The following EPHB3 variants were observed in gnomAD, a reference collection of about 807,000 sequenced individuals.
EPHB3 encodes the protein EPH receptor B3.
Under a neutral mutation model 100.2 loss-of-function variants are expected in EPHB3, and 33 were observed. The observed-to-expected ratio is 0.33, with a 90% CI of 0.25 to 0.44. EPHB3 has a LOEUF of 0.44. Ranked by LOEUF, EPHB3 falls within the 20% of genes least tolerant of loss-of-function variation. The pLI is 1.00. For synonymous variants in EPHB3, 526 were observed against 554.7 expected (o/e 0.95, Z 0.73); for missense variants, 1,045 against 1,378.3 (o/e 0.76, Z 3.83).
In EPHB3 at chr3:184,567,563, A is replaced by G. The variant is rs562884358; in HGVS notation, c.119-3755A>G. On this transcript the variant is annotated intron_variant, in intron 1 of 15. Transcript: ENST00000330394. ...TCTGAGGCTTTACACAAATCTAGGT[A>G]TTGATACTTACACCATGTCAGGGTG... Among the ~76,000 whole-genome samples the G allele has an allele frequency of 8.5e-5, 13 of 152,152 alleles. No individual in the cohort carries two copies. In the South Asian group the frequency reaches 2.5e-3, roughly 29 times the overall value.
rs1714276656 is a variant in EPHB3, at chr3:184,562,319, G to C, written c.84G>C (p.Leu28=). 1.6e-6 allele frequency: 2 copies of C among 1,250,034 alleles called. No individual in the cohort carries two copies. The highest frequency in any genetic ancestry group is 6.8e-5 in the East Asian group (2 of 29,572). The allele number at this position is 1,250,034 out of a possible 1,614,324, so 77.4% of individuals were successfully genotyped here. A position where few individuals can be genotyped will look rare whatever the true frequency, so the allele number is the denominator to read the frequency against. The change falls in exon 1 of 16, where the codon CTG becomes CTC. Residue 28 remains leucine, a synonymous_variant. Coordinates refer to ENST00000330394, the MANE Select transcript of EPHB3 (RefSeq NM_004443.4). This position sits in a 1 kb window ranked among gnomAD's most constrained non-coding sequence, Gnocchi z 4.8. ...TCCCTCCGCTGCTGCTGCTGCCGCT[G>C]CTGCTGCTGCCCGCCGGCTGCCGGG... ...PLLPPLLLLP[L]LLLPAGCRAL...
At chr3:184,564,560 T>C (rs1045911532) in intron 1 of EPHB3, among the ~76,000 whole-genome samples, 7 of 152,344 alleles carry the variant, frequency 4.6e-5, no homozygotes, top group Non-Finnish European at 8.8e-5. Context: ...TTATTATTGT[T>C]ACCCTAGGGT....
rs1714835185 is a variant in EPHB3 at position 184,581,989 on chromosome 3, G to C, written c.*367G>C. Reference sequence around the variant, plus strand: ...CGGGGTTCCACAGGGCCCAGCCCTGGCAGGGGTCTGGCCCCCCAGGTAGGC... The same window carrying C: ...CGGGGTTCCACAGGGCCCAGCCCTGCCAGGGGTCTGGCCCCCCAGGTAGGC... On this transcript the variant is annotated 3_prime_UTR_variant, in exon 16 of 16. Transcript: ENST00000330394. 2.6e-5 allele frequency: 5 copies of C among 190,436 alleles called. No individual in the cohort carries two copies. The South Asian group carries it at 7.4e-4, about 28-fold the overall frequency. The allele number at this position is 190,436 out of a possible 1,614,324, so 11.8% of individuals were successfully genotyped here.
At chr3:184,576,201 G>A (rs1315628108) in intron 4 of EPHB3, among the ~76,000 whole-genome samples, 1 of 150,918 alleles carries the variant, frequency 6.6e-6, no homozygotes, top group East Asian at 2.1e-4. Context: ...ACCAACGCTT[G>A]CTAAGCACCT....
chr3:184,568,988 C>T (rs2108435366), intron 1 of EPHB3, among the ~76,000 whole-genome samples: 1 of 152,250 alleles, frequency 6.6e-6, no homozygotes, highest in Admixed American at 6.5e-5. Flanking sequence ...CCGCCGTCCC[C>T]TCCCTCCGCT....
At chr3:184,568,901 C>T (rs1475387790) in intron 1 of EPHB3, among the ~76,000 whole-genome samples, 1 of 149,958 alleles carries the variant, frequency 6.7e-6, no homozygotes, top group Non-Finnish European at 1.5e-5. Context: ...CTCCCTCTCT[C>T]GCTCCCCAGA....
chr3:184,577,259 C>T lies in EPHB3; in HGVS notation c.1354+76C>T. On this transcript the variant is annotated intron_variant, in intron 5 of 15. Coordinates refer to ENST00000330394, the MANE Select transcript of EPHB3 (RefSeq NM_004443.4). The surrounding 1 kb of genome is among the most constrained non-coding windows in gnomAD (Gnocchi z 4.9). ...AGGTGTCCCAGGACCTGCTAAGGGA[C>T]CACTGGGGGTCCCATGGGAAGTGGG... 7 of 1,582,632 alleles carry T rather than the reference C, an allele frequency of 4.4e-6. No individual in the cohort carries two copies. The highest frequency in any genetic ancestry group is 6.0e-6 in the Non-Finnish European group (7 of 1,163,382).
Position 184,577,151 on chromosome 3 carries a change from A to T in EPHB3, c.1322A>T (p.Tyr441Phe), listed in dbSNP as rs1714697267. ...VSGKSPLPPR[Y>F]AAVNITTNQA... is the part of the protein sequence containing the mutation. ...GGCAAGAGCCCTCTGCCGCCTCGTTATGCGGCCGTGAATATCACCACAAAC... is the reference window on the plus strand; with the variant it reads ...GGCAAGAGCCCTCTGCCGCCTCGTTTTGCGGCCGTGAATATCACCACAAAC... Residue 441 changes from tyrosine (Y) to phenylalanine (F), a missense_variant, in exon 5 of 16, where the codon TAT (tyrosine) becomes TTT (phenylalanine). Around this residue, in one of 2 missense-constraint regions of EPHB3, gnomAD observed 985 missense variants for 1,331.1 expected, o/e 0.74. Coordinates refer to ENST00000330394, the MANE Select transcript of EPHB3 (RefSeq NM_004443.4). This position sits in a 1 kb window ranked among gnomAD's most constrained non-coding sequence, Gnocchi z 4.9. 29 of 1,607,630 alleles carry T rather than the reference A, an allele frequency of 1.8e-5. No homozygotes were observed. The highest frequency in any genetic ancestry group is 2.5e-5 in the Non-Finnish European group (29 of 1,175,896).
At chr3:184,570,879 G>A (rs1278989811) in intron 1 of EPHB3, among the ~76,000 whole-genome samples, 1 of 152,192 alleles carries the variant, frequency 6.6e-6, no homozygotes, top group Non-Finnish European at 1.5e-5. Flanking sequence ...TGTAGGCTAG[G>A]GAAACTGGGG....
At position 184,572,644 on chromosome 3, in the gene EPHB3, G is replaced by A. The variant is rs765456448; in HGVS notation, c.324G>A (p.Glu108=). 6.4e-7 allele frequency: 1 copy of A among 1,568,798 alleles called. No individual in the cohort carries two copies. The highest frequency in any genetic ancestry group is 8.6e-7 in the Non-Finnish European group (1 of 1,159,686). Residue 108 remains glutamate (E), a synonymous_variant, in exon 3 of 16, where the codon GAG becomes GAA. Transcript: ENST00000330394. The surrounding 1 kb of genome is among the most constrained non-coding windows in gnomAD (Gnocchi z 6.6). The part of the protein sequence containing the change: ...WRRDVQRVYV[E]LKFTVRDCNS... ...GGGATGTGCAGCGGGTCTACGTGGA[G>A]CTCAAGTTCACTGTGCGTGACTGCA...
At position 184,562,329 on chromosome 3, in the gene EPHB3, C is replaced by T; in HGVS notation, c.94C>T (p.Pro32Ser). 4 of 1,244,924 alleles carry T rather than the reference C, an allele frequency of 3.2e-6. No homozygotes were observed. The highest frequency in any genetic ancestry group is 4.1e-5 in the Admixed American group (1 of 24,624). 77.1% of individuals were successfully genotyped at this position (1,244,924 alleles called of 1,614,324 possible). The change falls in exon 1 of 16, where the codon CCC becomes TCC. Residue 32 changes from proline (P) to serine (S), a missense_variant. By Grantham distance (74) the Pro-to-Ser change is moderately conservative. Around this residue, in one of 2 missense-constraint regions of EPHB3, gnomAD observed 60 missense variants for 47.2 expected, o/e 1.27. Coordinates refer to ENST00000330394, the MANE Select transcript of EPHB3 (RefSeq NM_004443.4). The surrounding 1 kb of genome is among the most constrained non-coding windows in gnomAD (Gnocchi z 4.8). Reference protein sequence around the residue: ...PLLLLPLLLLPAGCRALEETL... With the variant: ...PLLLLPLLLLSAGCRALEETL... ...GCTGCTGCTGCCGCTGCTGCTGCTG[C>T]CCGCCGGCTGCCGGGCGCTGGAAGG... is the stretch of plus-strand genomic sequence containing the variant.
chr3:184,577,054 C>G lies in EPHB3; in HGVS notation c.1225C>G (p.Arg409Gly), dbSNP rs773741899. Residue 409 changes from arginine to glycine, a missense_variant, in exon 5 of 16, where the codon CGG becomes GGG. Physicochemically the swap from Arg to Gly is moderately radical, Grantham distance 125. Around this residue, in one of 2 missense-constraint regions of EPHB3, gnomAD observed 985 missense variants for 1,331.1 expected, o/e 0.74. Transcript: ENST00000330394. The surrounding 1 kb of genome is among the most constrained non-coding windows in gnomAD (Gnocchi z 4.9). ...VPRQLGLTER[R>G]VHISHLLAHT... ...TCGGCAGCTGGGCCTGACGGAGCGC[C>G]GGGTCCACATCAGCCATCTGCTGGC... 3.7e-6 allele frequency: 6 copies of G among 1,613,762 alleles called. No homozygotes were observed. The highest frequency in any genetic ancestry group is 5.1e-6 in the Non-Finnish European group (6 of 1,179,968).
intron 1 of EPHB3, among the ~76,000 whole-genome samples, chr3:184,570,795 G>A (rs973833016): frequency 3.3e-5 from 5 of 152,148 alleles, no homozygotes; most frequent in African/African-American, 9.7e-5. Flanking sequence ...CTGGGGTCAG[G>A]GCACTCACCC....
rs976911176 is a variant in EPHB3 at position 184,561,949 on chromosome 3, A to G, written c.-287A>G. The G allele has an allele frequency of 1.1e-4, 18 of 157,012 alleles. No homozygotes were observed. Among genetic ancestry groups the G allele is most frequent in the Non-Finnish European group, 2.1e-4 (15 of 71,776 alleles). The allele number at this position is 157,012 out of a possible 1,614,324, so 9.7% of individuals were successfully genotyped here. A position where few individuals can be genotyped will look rare whatever the true frequency, so the allele number is the denominator to read the frequency against. ...CCCTCCTGCCCCGGCCCGCCCCCCA[A>G]GTCCTCAGGCACCCAGCTCCCCGGC... On this transcript the variant is annotated 5_prime_UTR_variant, in exon 1 of 16. Transcript: ENST00000330394.
At chr3:184,574,240 A>G (rs76646276) in intron 3 of EPHB3, among the ~76,000 whole-genome samples, 6,036 of 152,258 alleles carry the variant, frequency 0.04, 160 homozygotes, top group African/African-American at 0.075. Context: ...CTTATTGTAT[A>G]CATGAGGAGT....
At position 184,578,089 on chromosome 3, in the gene EPHB3, C is replaced by A; in HGVS notation, c.1748+83C>A. 7.0e-7 allele frequency: 1 copy of A among 1,438,028 alleles called. No individual in the cohort carries two copies. The highest frequency in any genetic ancestry group is 9.5e-7 in the Non-Finnish European group (1 of 1,055,594). 89.1% of individuals were successfully genotyped at this position (1,438,028 alleles called of 1,614,324 possible). The stretch of plus-strand genomic sequence containing the variant: ...AGAGCCCTCATGCCACAGAGATGAG[C>A]CGCCACCACTTCCCTCAGACCCAGG... On this transcript the variant is annotated intron_variant, in intron 8 of 15. Coordinates refer to ENST00000330394, the MANE Select transcript of EPHB3 (RefSeq NM_004443.4). The surrounding 1 kb of genome is among the most constrained non-coding windows in gnomAD (Gnocchi z 4.7).
At chr3:184,570,521 C>A (rs1714511631) in intron 1 of EPHB3, among the ~76,000 whole-genome samples, 1 of 152,240 alleles carries the variant, frequency 6.6e-6, no homozygotes, top group African/African-American at 2.4e-5. Context: ...GTCCCCTCTC[C>A]ACCCTCAAAG....
At chr3:184,574,300 G>A (rs1001360914) in intron 3 of EPHB3, among the ~76,000 whole-genome samples, 2 of 152,144 alleles carry the variant, frequency 1.3e-5, no homozygotes, top group African/African-American at 4.8e-5. Context: ...ACTAGGCTTC[G>A]GAGTTATCAA....
chr3:184,576,799 A>G (rs911963053), intron 4 of EPHB3, 43 bp from the exon 5 acceptor site: 5 of 1,509,552 alleles, frequency 3.3e-6, no homozygotes, highest in Non-Finnish European at 4.4e-6. Context: ...GGATGGTCCT[A>G]GAGCCCCCAG....
Sources: allele counts gnomAD v4.1 joint callset (sites outside exome capture counted in the v4.1 genomes callset), GRCh38; gene constraint gnomAD v4.1.1; regional missense constraint gnomAD v4.1.1; non-coding constraint Gnocchi (gnomAD v3.1); transcripts MANE v1.5; gene names NCBI Gene and HGNC (gene_info 2026-07-23, HGNC 2026-07-21).